CEP43: variants seen among roughly 807,000 people sequenced by gnomAD.
The protein encoded by CEP43 is centrosomal protein 43, also known as FGFR1 oncogene partner.
CEP43 carries 36 observed loss-of-function variants against 52.6 expected under a neutral mutation model. The observed-to-expected ratio is 0.68, with a 90% CI of 0.52 to 0.90. The LOEUF is 0.90. Among genes scored for constraint, CEP43 ranks in the 40% least tolerant of loss-of-function variants. The probability of loss-of-function intolerance (pLI) is 0.00; values close to 1 mark genes in which losing one functional copy is unlikely to be tolerated. For missense variants in CEP43, 506 were observed against 472.8 expected, an observed-to-expected ratio of 1.07 and a Z score of -0.65; for synonymous variants, 192 against 172.4, an observed-to-expected ratio of 1.11 and a Z score of -0.89.
Position 167,021,570 on chromosome 6 carries a change from C to T in CEP43, c.580-839C>T, listed in dbSNP as rs141253333. Among the ~76,000 whole-genome samples, 476 of 152,106 alleles carry T rather than the reference C, an allele frequency of 3.1e-3. 5 individuals carry two copies. Among genetic ancestry groups the T allele is most frequent in the African/African-American group, 1.0e-2 (413 of 41,476 alleles). On this transcript the variant is annotated intron_variant, in intron 7 of 12. Coordinates refer to ENST00000366847, the MANE Select transcript of CEP43 (RefSeq NM_007045.4). ...GTCTAAGGGCAGAAAGAAATCTGAC[C>T]AAGAATGGAGTGAAAGTCGGCTGTG...
At chr6:167,035,991 A>G in intron 12 of CEP43, 1 of 893,936 alleles carries the variant, frequency 1.1e-6, no homozygotes, top group Non-Finnish European at 1.3e-6. Flanking sequence ...CATTCAATAA[A>G]TGGTATCTAA....
intron 7 of CEP43, among the ~76,000 whole-genome samples, chr6:167,021,521 C>T (rs1393350323): frequency 6.6e-6 from 1 of 151,990 alleles, no homozygotes; most frequent in Admixed American, 6.6e-5. Flanking sequence ...TTTTTGTTTT[C>T]ATTATTATTA....
Position 167,039,993 on chromosome 6 carries a change from G to T in CEP43, c.*15G>T. ...ATGTTGCATAGACACGAAGAAGGAA[G>T]TATTCTAATTAACAAGGACAGAGGA... On this transcript the variant is annotated 3_prime_UTR_variant, in exon 13 of 13. Coordinates refer to ENST00000366847, the MANE Select transcript of CEP43 (RefSeq NM_007045.4). 6 of 1,612,668 alleles carry T rather than the reference G, an allele frequency of 3.7e-6. No homozygotes were observed. The highest frequency in any genetic ancestry group is 5.1e-6 in the Non-Finnish European group (6 of 1,179,756).
intron 4 of CEP43, 37 bp from the exon 5 acceptor site, chr6:167,004,227 A>T (rs370159451): frequency 5.5e-5 from 86 of 1,574,986 alleles, no homozygotes; most frequent in Admixed American, 1.3e-4. Flanking sequence ...AACTTCTGCT[A>T]TTTTTTTGTG....
At chr6:167,019,264 CCTG>C (rs774325110) in intron 7 of CEP43, among the ~76,000 whole-genome samples, 8 of 146,682 alleles carry the variant, frequency 5.5e-5, no homozygotes, top group South Asian at 4.4e-4. Context: ...CACGCATACA[CCTG>C]CTGTGCACAC....
At chr6:167,020,624 A>G (rs6900701) in intron 7 of CEP43, among the ~76,000 whole-genome samples, 60,758 of 152,040 alleles carry the variant, frequency 0.4, 12,474 homozygotes, top group Non-Finnish European at 0.46. Flanking sequence ...TACACGGGCC[A>G]TGTATGGTGG....
At chr6:167,018,709 T>C (rs1485299956) in intron 7 of CEP43, among the ~76,000 whole-genome samples, 2 of 152,162 alleles carry the variant, frequency 1.3e-5, no homozygotes, top group African/African-American at 4.8e-5. Context: ...TTAAATCTTA[T>C]TTGTTAGTTT....
At chr6:167,026,041 G>A (rs1474166736) in intron 9 of CEP43, among the ~76,000 whole-genome samples, 4 of 152,228 alleles carry the variant, frequency 2.6e-5, no homozygotes, top group African/African-American at 9.6e-5. Context: ...TGGTGGTTGT[G>A]TTCCAATAAA....
chr6:167,040,009 G>A lies in CEP43; in HGVS notation c.*31G>A, dbSNP rs760826789. ...AAGAAGGAAGTATTCTAATTAACAA[G>A]GACAGAGGACTGACCGGTTCCATTT... is the stretch of plus-strand genomic sequence containing the variant. On this transcript the variant is annotated 3_prime_UTR_variant, in exon 13 of 13. Transcript: ENST00000366847. The A allele has an allele frequency of 4.4e-6, 7 of 1,605,164 alleles. No homozygotes were observed. In the South Asian group the frequency reaches 7.8e-5, roughly 18 times the overall value.
At chr6:167,028,546 A>G (rs1780401039) in intron 10 of CEP43, 3 of 965,488 alleles carry the variant, frequency 3.1e-6, no homozygotes. Flanking sequence ...TTAAATATAC[A>G]GTACTCTAGG....
At position 167,041,159 on chromosome 6, in the gene CEP43, A is replaced by G. The variant is rs1780687066; in HGVS notation, c.*1181A>G. Reference sequence around the variant, plus strand: ...TTAGTAAAAGGAGCAAATTAGACCTAATTCATTGATCTCGGTTAAGTGAGC... The same window carrying G: ...TTAGTAAAAGGAGCAAATTAGACCTGATTCATTGATCTCGGTTAAGTGAGC... On this transcript the variant is annotated 3_prime_UTR_variant, in exon 13 of 13. Coordinates refer to ENST00000366847, the MANE Select transcript of CEP43 (RefSeq NM_007045.4). 1 of 1,044,838 alleles carries G rather than the reference A, an allele frequency of 9.6e-7. No individual in the cohort carries two copies. The allele number at this position is 1,044,838 out of a possible 1,614,324, so 64.7% of individuals were successfully genotyped here.
At chr6:167,005,065 A>G (rs905655539) in intron 5 of CEP43, among the ~76,000 whole-genome samples, 4 of 152,222 alleles carry the variant, frequency 2.6e-5, no homozygotes, top group African/African-American at 7.2e-5. Flanking sequence ...GATACAGGTA[A>G]CATCTGTAAC....
At chr6:167,028,787 T>G (rs1312618338) in intron 10 of CEP43, among the ~76,000 whole-genome samples, 1 of 152,196 alleles carries the variant, frequency 6.6e-6, no homozygotes, top group Non-Finnish European at 1.5e-5. Context: ...CTCACCACTG[T>G]GTTTTACTGC....
At chr6:167,015,398 T>C (rs1780072556) in intron 7 of CEP43, among the ~76,000 whole-genome samples, 1 of 152,250 alleles carries the variant, frequency 6.6e-6, no homozygotes, top group Admixed American at 6.5e-5. Flanking sequence ...CTTTGCCTTG[T>C]GCATGCAGTG....
intron 6 of CEP43, among the ~76,000 whole-genome samples, chr6:167,012,723 T>C (rs1780012468): frequency 1.3e-5 from 2 of 152,212 alleles, no homozygotes; most frequent in African/African-American, 4.8e-5. Context: ...CTAAGAATTA[T>C]AATGAGAATC....
intron 1 of CEP43, chr6:166,999,773 G>C: frequency 1.9e-6 from 1 of 521,032 alleles, no homozygotes; most frequent in Non-Finnish European, 3.3e-6. Context: ...GGGCGGGACC[G>C]CGGGGCTTGG....
intron 5 of CEP43, among the ~76,000 whole-genome samples, chr6:167,004,796 T>C (rs556988202): frequency 6.6e-6 from 1 of 152,204 alleles, no homozygotes; most frequent in African/African-American, 2.4e-5. Context: ...GCTATTATTT[T>C]TATTAAAACA....
At chr6:167,024,636 G>T in intron 8 of CEP43, 146 bp from the exon 9 acceptor site, 1 of 658,202 alleles carries the variant, frequency 1.5e-6, no homozygotes, top group South Asian at 2.0e-5. Context: ...GTACTTTATG[G>T]TTTTGAATCT....
Position 167,010,816 on chromosome 6 carries a change from G to A in CEP43, c.442G>A (p.Ala148Thr), listed in dbSNP as rs1208819512. 8 of 1,526,294 alleles carry A rather than the reference G, an allele frequency of 5.2e-6. No individual in the cohort carries two copies. The highest frequency in any genetic ancestry group is 2.0e-5 in the Admixed American group (1 of 49,092). 94.5% of individuals were successfully genotyped at this position (1,526,294 alleles called of 1,614,324 possible). The change falls in exon 6 of 13, where the codon GCA becomes ACA. Residue 148 changes from alanine (A) to threonine (T), a missense_variant. Ala to Thr is a moderately conservative substitution (Grantham distance 58). Coordinates refer to ENST00000366847, the MANE Select transcript of CEP43 (RefSeq NM_007045.4). Reference sequence around the variant, plus strand: ...ATTTTAAACTAAAATATTTTAGGGTGCACTTGATCTATCTGATGTACATTC... The same window carrying A: ...ATTTTAAACTAAAATATTTTAGGGTACACTTGATCTATCTGATGTACATTC... ...KEKGPTTGEG[A>T]LDLSDVHSPP...
Sources: gnomAD v4.1 joint callset for allele counts (sites outside exome capture counted in the v4.1 genomes callset) on GRCh38, gnomAD v4.1.1 for gene constraint, MANE v1.5 for transcripts, NCBI Gene and HGNC (gene_info 2026-07-23, HGNC 2026-07-21) for gene names.